Variants in PRUNE1 observed in about 807,000 individuals in gnomAD.
PRUNE1 encodes prune exopolyphosphatase 1, also known as exopolyphosphatase PRUNE1.
In PRUNE1, 25 loss-of-function variants were observed where a neutral mutation model predicts 42.5. The ratio of observed to expected loss-of-function variants is 0.59; its 90% CI spans 0.43 to 0.82. The LOEUF is 0.82. Among genes scored for constraint, PRUNE1 ranks in the 40% least tolerant of loss-of-function variants. PRUNE1 has a pLI of 0.00. For synonymous variants in PRUNE1, 203 were observed against 217.1 expected (o/e 0.93, Z 0.57); for missense variants, 443 against 539.3 (o/e 0.82, Z 1.77).
At chr1:151,014,197 T>C (rs1185212258) in intron 1 of PRUNE1, among the ~76,000 whole-genome samples, 2 of 152,198 alleles carry the variant, frequency 1.3e-5, no homozygotes, top group African/African-American at 4.8e-5. Context: ...GCCAGGATAG[T>C]CTCGATCTCC....
At chr1:151,023,096 T>G (rs1431677079) in intron 3 of PRUNE1, among the ~76,000 whole-genome samples, 1 of 152,198 alleles carries the variant, frequency 6.6e-6, no homozygotes, top group East Asian at 1.9e-4. Flanking sequence ...AGGCAGATTA[T>G]GGAGGCCTCA....
intron 5 of PRUNE1, among the ~76,000 whole-genome samples, chr1:151,026,362 G>A (rs1571803861): frequency 6.6e-6 from 1 of 151,902 alleles, no homozygotes; most frequent in African/African-American, 2.4e-5. Context: ...GGAGGCTGAG[G>A]CAGGAAAATC....
Position 151,028,774 on chromosome 1 carries a change from C to G in PRUNE1, c.775-12C>G. The G allele has an allele frequency of 6.2e-7, 1 of 1,611,550 alleles. No individual in the cohort carries two copies. The highest frequency in any genetic ancestry group is 8.5e-7 in the Non-Finnish European group (1 of 1,178,830). On this transcript the variant is annotated splice_polypyrimidine_tract_variant and intron_variant, in intron 6 of 7. Coordinates refer to ENST00000271620, the MANE Select transcript of PRUNE1 (RefSeq NM_021222.3). ...GAAAGTCCTTCATCCCTCTCCGTTT[C>G]TTCCCTTTCAGGCCTTTCTGCAGAG...
At chr1:151,025,803 C>T (rs1046647856) in intron 5 of PRUNE1, 130 bp downstream of exon 5, 2 of 896,042 alleles carry the variant, frequency 2.2e-6, no homozygotes, top group South Asian at 1.8e-5. Context: ...TGCAGTGGCA[C>T]AATCTTGGCA....
At chr1:151,014,456 C>T (rs587633286) in intron 1 of PRUNE1, among the ~76,000 whole-genome samples, 14 of 152,286 alleles carry the variant, frequency 9.2e-5, no homozygotes, top group Non-Finnish European at 1.6e-4. Flanking sequence ...AAACCTATCT[C>T]GTAACTGGAT....
intron 1 of PRUNE1, among the ~76,000 whole-genome samples, chr1:151,012,600 G>A (rs1281434168): frequency 6.6e-6 from 1 of 152,102 alleles, no homozygotes; most frequent in Non-Finnish European, 1.5e-5. Context: ...TGGGCTGGGT[G>A]TTCAGGAAGG....
chr1:151,023,074 G>C (rs149716045), intron 3 of PRUNE1, among the ~76,000 whole-genome samples: 1 of 152,258 alleles, frequency 6.6e-6, no homozygotes, highest in Non-Finnish European at 1.5e-5. Flanking sequence ...TGAGACAGAG[G>C]GGGCAGGCAG....
chr1:151,019,867 A>AC (rs1674314510), intron 3 of PRUNE1, among the ~76,000 whole-genome samples: 1 of 149,596 alleles, frequency 6.7e-6, no homozygotes, highest in Non-Finnish European at 1.5e-5. Context: ...TTGCTCTGTC[A>AC]CCCAGGCTTC....
At chr1:151,013,197 A>G (rs1673885332) in intron 1 of PRUNE1, among the ~76,000 whole-genome samples, 1 of 152,248 alleles carries the variant, frequency 6.6e-6, no homozygotes, top group Non-Finnish European at 1.5e-5. Context: ...ACAGAGAACA[A>G]ATAGTGCAAA....
chr1:151,034,477 A>G lies in PRUNE1; in HGVS notation c.*243A>G. On this transcript the variant is annotated 3_prime_UTR_variant, in exon 8 of 8. Transcript: ENST00000271620. ...ATTATTTAAATCTGCACCTCTCTCTATTTTATTTGCCAGGGGCACGATGTG... is the reference window on the plus strand; with the variant it reads ...ATTATTTAAATCTGCACCTCTCTCTGTTTTATTTGCCAGGGGCACGATGTG... 1 of 482,472 alleles carries G rather than the reference A, an allele frequency of 2.1e-6. No individual in the cohort carries two copies. Among genetic ancestry groups the G allele is most frequent in the Admixed American group, 3.4e-5 (1 of 29,664 alleles). 29.9% of individuals were successfully genotyped at this position (482,472 alleles called of 1,614,324 possible).
intron 5 of PRUNE1, among the ~76,000 whole-genome samples, chr1:151,026,779 C>T (rs1164098948): frequency 6.6e-6 from 1 of 151,372 alleles, no homozygotes; most frequent in Non-Finnish European, 1.5e-5. Flanking sequence ...GTTACTTGCT[C>T]TAAAGGTACC....
chr1:151,024,495 C>CAA, intron 3 of PRUNE1, 116 bp from the exon 4 acceptor site: 203 of 808,208 alleles, frequency 2.5e-4, no homozygotes, highest in Non-Finnish European at 3.1e-4. Flanking sequence ...AACTCCGTCT[C>CAA]AAAAAAAAAA....
chr1:151,014,967 G>C (rs908529440), intron 1 of PRUNE1, among the ~76,000 whole-genome samples: 59 of 152,240 alleles, frequency 3.9e-4, no homozygotes, highest in African/African-American at 1.3e-3. Context: ...CGAGGCAGCT[G>C]TATCACTTGA....
At chr1:151,023,964 CGAGGTCAGGA>C (rs1674651229) in intron 3 of PRUNE1, among the ~76,000 whole-genome samples, 1 of 151,812 alleles carries the variant, frequency 6.6e-6, no homozygotes, top group African/African-American at 2.4e-5. Flanking sequence ...GGGCAGATCA[CGAGGTCAGGA>C]GTTCGAGACC....
intron 1 of PRUNE1, 139 bp from the exon 2 acceptor site, chr1:151,017,673 T>C (rs761944562): frequency 5.1e-5 from 20 of 393,436 alleles, no homozygotes; most frequent in Middle Eastern, 7.8e-4. Flanking sequence ...CTGCAGGGAG[T>C]TGTGATCACG....
chr1:151,009,761 C>G (rs948192563), intron 1 of PRUNE1, among the ~76,000 whole-genome samples: 1 of 152,170 alleles, frequency 6.6e-6, no homozygotes, highest in Non-Finnish European at 1.5e-5. Context: ...CATTTTAACA[C>G]CAATTACATA....
chr1:151,022,744 T>TAGA (rs67550766), intron 3 of PRUNE1: 6 of 151,122 alleles, frequency 4.0e-5, no homozygotes, highest in African/African-American at 1.5e-4. Flanking sequence ...TATATATATT[T>TAGA]TTTTTTTATG....
chr1:151,011,889 C>T (rs151018143), intron 1 of PRUNE1, among the ~76,000 whole-genome samples: 2,782 of 151,910 alleles, frequency 0.018, 100 homozygotes, highest in African/African-American at 0.064. Context: ...AGTGATTTTC[C>T]TGCCTCAGCC....
rs940974164 is a variant in PRUNE1 at position 151,017,029 on chromosome 1, G to A, written c.40-783G>A. Among the ~76,000 whole-genome samples, 5 of 147,786 alleles carry A rather than the reference G, an allele frequency of 3.4e-5. No homozygotes were observed. The South Asian group carries it at 6.4e-4, about 19-fold the overall frequency. The stretch of plus-strand genomic sequence containing the variant: ...TACAAAATTAGCTAGGTGTGGTGGC[G>A]CATTCCTGTAATCCCAGCTACTTGT... On this transcript the variant is annotated intron_variant, in intron 1 of 7. Transcript: ENST00000271620.
Sources: gnomAD v4.1 joint callset for allele counts (sites outside exome capture counted in the v4.1 genomes callset) on GRCh38, gnomAD v4.1.1 for gene constraint, MANE v1.5 for transcripts, NCBI Gene and HGNC (gene_info 2026-07-23, HGNC 2026-07-21) for gene names.